Variants in XIRP2 observed in about 807,000 individuals in gnomAD.
XIRP2 encodes the protein xin actin-binding repeat-containing protein 2.
Under a neutral mutation model 277.0 loss-of-function variants are expected in XIRP2, and 236 were observed. The observed-to-expected ratio is 0.85, with a 90% CI of 0.77 to 0.95. XIRP2 has a LOEUF of 0.95. Among genes scored for constraint, XIRP2 ranks in the 40% least tolerant of loss-of-function variants. XIRP2 has a pLI of 0.00. For missense variants in XIRP2, 4,640 were observed against 4,157.5 expected (o/e 1.12, Z -3.19); for synonymous variants, 1,490 against 1,416.5 (o/e 1.05, Z -1.17).
chr2:167,105,162 C>A (rs2105289704), intron 2 of XIRP2, among the ~76,000 whole-genome samples: 1 of 151,996 alleles, frequency 6.6e-6, no homozygotes, highest in Middle Eastern at 3.4e-3. Context: ...ATCCCATGCA[C>A]CCTTTATTCA....
At chr2:167,228,144 G>C (rs1260426113) in intron 5 of XIRP2, among the ~76,000 whole-genome samples, 1 of 152,114 alleles carries the variant, frequency 6.6e-6, no homozygotes, top group East Asian at 1.9e-4. Context: ...TAATCAGACT[G>C]TCTTCTGTGT....
chr2:167,116,348 A>G (rs1195004568), intron 2 of XIRP2, among the ~76,000 whole-genome samples: 1 of 152,196 alleles, frequency 6.6e-6, no homozygotes, highest in Non-Finnish European at 1.5e-5. Context: ...TTAGGATTGA[A>G]ATGCCTTTTG....
At chr2:167,162,536 G>A (rs570032760) in intron 3 of XIRP2, among the ~76,000 whole-genome samples, 6 of 152,230 alleles carry the variant, frequency 3.9e-5, no homozygotes, top group South Asian at 2.1e-4. Flanking sequence ...TCACTATCAC[G>A]AGAACAGCAT....
intron 3 of XIRP2, among the ~76,000 whole-genome samples, chr2:167,190,026 G>C (rs190660424): frequency 6.6e-6 from 1 of 152,096 alleles, no homozygotes; most frequent in Admixed American, 6.5e-5. Context: ...GTTATTACTC[G>C]TATATTATAG....
intron 3 of XIRP2, among the ~76,000 whole-genome samples, chr2:167,136,504 C>T (rs926855692): frequency 6.6e-6 from 1 of 152,130 alleles, no homozygotes. Context: ...TTAAACTAAA[C>T]TTGCATAATG....
intron 2 of XIRP2, among the ~76,000 whole-genome samples, chr2:166,995,502 A>T (rs1332811055): frequency 6.6e-6 from 1 of 152,170 alleles, no homozygotes; most frequent in African/African-American, 2.4e-5. Flanking sequence ...TTTTTCTGCA[A>T]AATTTGTCAC....
chr2:167,162,007 G>A (rs1176363936), intron 3 of XIRP2, among the ~76,000 whole-genome samples: 4 of 152,022 alleles, frequency 2.6e-5, no homozygotes, highest in Non-Finnish European at 5.9e-5. Context: ...CTCTAGGGCT[G>A]GGCAAAATGC....
intron 8 of XIRP2, among the ~76,000 whole-genome samples, 178 bp downstream of exon 8, chr2:167,242,088 A>C (rs1044231597): frequency 2.0e-5 from 3 of 152,142 alleles, no homozygotes; most frequent in Non-Finnish European, 4.4e-5. Flanking sequence ...TAGAGTAAAA[A>C]CTTTTCTCAC....
intron 2 of XIRP2, among the ~76,000 whole-genome samples, chr2:167,023,141 G>A (rs1688034235): frequency 6.6e-6 from 1 of 152,130 alleles, no homozygotes; most frequent in Non-Finnish European, 1.5e-5. Context: ...TTTAATGATT[G>A]CCATTCTAAC....
rs565216309 is a variant in XIRP2 at position 167,031,874 on chromosome 2, C to T, written c.409-104035C>T. Among the ~76,000 whole-genome samples, 408 of 152,136 alleles carry T rather than the reference C, an allele frequency of 2.7e-3. 3 individuals carry two copies. The highest frequency in any genetic ancestry group is 9.5e-3 in the African/African-American group (396 of 41,502). On this transcript the variant is annotated intron_variant, in intron 2 of 10. Coordinates refer to ENST00000409195, the MANE Select transcript of XIRP2 (RefSeq NM_152381.6). ...AATCAATATCGTGAAAATGGCCATA[C>T]TGCCCAAAGTAATTTATAGATTCAG...
intron 3 of XIRP2, among the ~76,000 whole-genome samples, chr2:167,184,390 C>T (rs1186873930): frequency 6.6e-6 from 1 of 152,096 alleles, no homozygotes; most frequent in African/African-American, 2.4e-5. Context: ...CTTTGTTTGG[C>T]CTTACGATTG....
At chr2:167,194,158 T>C (rs1559015241) in intron 3 of XIRP2, among the ~76,000 whole-genome samples, 1 of 151,816 alleles carries the variant, frequency 6.6e-6, no homozygotes, top group Non-Finnish European at 1.5e-5. Flanking sequence ...CTCGGCTCAC[T>C]GCAACCTCCG....
In XIRP2 at chr2:167,258,482, G is replaced by A. The variant is rs1331662877; in HGVS notation, c.*665G>A. ...TGTGCAAGATAGGCCGAGTGAAGCTGAAGACACAAAGAGTAACAGGAAAAG... is the reference window on the plus strand; with the variant it reads ...TGTGCAAGATAGGCCGAGTGAAGCTAAAGACACAAAGAGTAACAGGAAAAG... On this transcript the variant is annotated 3_prime_UTR_variant, in exon 11 of 11. Transcript: ENST00000409195. 2 of 1,613,280 alleles carry A rather than the reference G, an allele frequency of 1.2e-6. No homozygotes were observed. Among genetic ancestry groups the A allele is most frequent in the Non-Finnish European group, 1.7e-6 (2 of 1,179,678 alleles).
chr2:167,195,964 G>A (rs1693493189), intron 3 of XIRP2, among the ~76,000 whole-genome samples: 1 of 152,138 alleles, frequency 6.6e-6, no homozygotes, highest in Middle Eastern at 3.4e-3. Flanking sequence ...CCCCAATTCT[G>A]GCTAAATCCA....
intron 3 of XIRP2, chr2:167,141,030 T>G (rs572804808): frequency 1.2e-4 from 18 of 152,270 alleles, no homozygotes; most frequent in Admixed American, 1.3e-4. Context: ...CACCTTGGAA[T>G]GCTGGAAAAT....
intron 2 of XIRP2, among the ~76,000 whole-genome samples, chr2:167,030,728 G>A (rs6707952): frequency 0.23 from 34,902 of 151,984 alleles, 4,981 homozygotes; most frequent in African/African-American, 0.39. Flanking sequence ...TATTGGGTCC[G>A]CTTGGTGCGG....
Position 167,247,777 on chromosome 2 carries a change from C to A in XIRP2, c.6385C>A (p.Leu2129Met). Residue 2129 changes from leucine to methionine, a missense_variant, in exon 9 of 11, where the codon CTG (leucine) becomes ATG (methionine). Leu to Met is a conservative substitution (Grantham distance 15). Coordinates refer to ENST00000409195, the MANE Select transcript of XIRP2 (RefSeq NM_152381.6). ...KTVGKQQTYE[L>M]RNDHQKMEGF... is the part of the protein sequence containing the mutation. ...CGTTGGAAAGCAACAGACATATGAA[C>A]TGAGAAATGACCACCAGAAAATGGA... 5.6e-6 allele frequency: 9 copies of A among 1,613,318 alleles called. No homozygotes were observed. Among genetic ancestry groups the A allele is most frequent in the Non-Finnish European group, 7.6e-6 (9 of 1,179,656 alleles).
intron 2 of XIRP2, among the ~76,000 whole-genome samples, chr2:167,023,596 A>G (rs1307569350): frequency 6.6e-6 from 1 of 152,136 alleles, no homozygotes; most frequent in Non-Finnish European, 1.5e-5. Context: ...TAGGTCAAAC[A>G]TGTAAGTCTT....
intron 6 of XIRP2, 26 bp downstream of exon 6, chr2:167,239,991 TCAAA>T (rs746482425): frequency 5.1e-6 from 8 of 1,566,566 alleles, no homozygotes; most frequent in Non-Finnish European, 6.9e-6. Flanking sequence ...GGCAGTACTT[TCAAA>T]CAGTTTCCAG....
Sources: allele counts gnomAD v4.1 joint callset (sites outside exome capture counted in the v4.1 genomes callset), GRCh38; gene constraint gnomAD v4.1.1; transcripts MANE v1.5; gene names NCBI Gene and HGNC (gene_info 2026-07-23, HGNC 2026-07-21).